TENM3: variants seen among roughly 807,000 people sequenced by gnomAD.
The protein encoded by TENM3 is teneurin-3.
In TENM3, 63 loss-of-function variants were observed where a neutral mutation model predicts 255.1. The ratio of observed to expected loss-of-function variants is 0.25; its 90% CI spans 0.20 to 0.30. TENM3 has a LOEUF of 0.30. Among genes scored for constraint, TENM3 ranks in the 10% least tolerant of loss-of-function variants. The pLI, the probability that TENM3 is intolerant of heterozygous loss-of-function variation, is 1.00. For missense variants in TENM3, 2,929 were observed against 3,461.1 expected (o/e 0.85, Z 3.86); for synonymous variants, 1,306 against 1,322.3 (o/e 0.99, Z 0.27).
the TENM3 span, among the ~76,000 whole-genome samples, chr4:181,945,537 ACTT>A: frequency 6.6e-6 from 1 of 151,866 alleles, no homozygotes; most frequent in Non-Finnish European, 1.5e-5. Context: ...CCTGCCCGAG[ACTT>A]CTTCTGTACA....
At chr4:182,163,947 A>G (rs576682350) in intron 1 of TENM3, among the ~76,000 whole-genome samples, 1 of 152,280 alleles carries the variant, frequency 6.6e-6, no homozygotes, top group African/African-American at 2.4e-5. Context: ...ATAGATTCCC[A>G]TGGCTTCAGT....
At chr4:181,525,396 CAAAAAAAAA>C in the TENM3 span, among the ~76,000 whole-genome samples, 1 of 97,316 alleles carries the variant, frequency 1.0e-5, no homozygotes. Flanking sequence ...GACCCTGTTT[CAAAAAAAAA>C]AAAAAAAAAA....
intron 3 of TENM3, among the ~76,000 whole-genome samples, chr4:182,502,585 A>G (rs1736423147): frequency 6.6e-6 from 1 of 151,898 alleles, no homozygotes; most frequent in African/African-American, 2.4e-5. Flanking sequence ...TTATTTTGAC[A>G]TGATGTTTTT....
chr4:182,679,679 A>C lies in TENM3; in HGVS notation c.1340A>C (p.Glu447Ala), dbSNP rs1755969787. The C allele has an allele frequency of 1.2e-6, 2 of 1,612,002 alleles. No individual in the cohort carries two copies. Among genetic ancestry groups the C allele is most frequent in the Non-Finnish European group, 8.5e-7 (1 of 1,179,494 alleles). The change falls in exon 8 of 28, where the codon GAG (glutamate) becomes GCG (alanine). Residue 447 changes from glutamate (E) to alanine (A), a missense_variant. Around this residue, in one of 6 missense-constraint regions of TENM3, gnomAD observed 1,608 missense variants for 1,884.4 expected, o/e 0.85. Coordinates refer to ENST00000511685, the MANE Select transcript of TENM3 (RefSeq NM_001080477.4). Reference protein sequence around the residue: ...PPSHTQYDFVELLDGSRLIAR... With the variant: ...PPSHTQYDFVALLDGSRLIAR... Reference sequence around the variant, plus strand: ...TCCTCCCCCCAGTATGACTTCGTGGAGCTCCTGGATGGCAGCAGGCTGATT... The same window carrying C: ...TCCTCCCCCCAGTATGACTTCGTGGCGCTCCTGGATGGCAGCAGGCTGATT...
chr4:182,138,415 AG>A, the TENM3 span, among the ~76,000 whole-genome samples: 39 of 152,190 alleles, frequency 2.6e-4, no homozygotes, highest in African/African-American at 8.4e-4. Flanking sequence ...GTTTCAAATA[AG>A]GCCCATATGG....
chr4:182,263,453 A>G (rs1042973256), intron 1 of TENM3, among the ~76,000 whole-genome samples: 8 of 152,144 alleles, frequency 5.3e-5, no homozygotes, highest in Middle Eastern at 3.2e-3. Flanking sequence ...CTCTCTATAA[A>G]GTCCGCCTCT....
chr4:181,614,034 T>A, the TENM3 span, among the ~76,000 whole-genome samples: 22 of 152,286 alleles, frequency 1.4e-4, no homozygotes, highest in East Asian at 3.1e-3. Context: ...TTTACCAAAA[T>A]ATGTTATTTC....
the TENM3 span, among the ~76,000 whole-genome samples, chr4:182,044,616 T>C: frequency 6.6e-6 from 1 of 152,256 alleles, no homozygotes; most frequent in African/African-American, 2.4e-5. Flanking sequence ...TAAAATGTTA[T>C]GTGGTCTGTT....
At chr4:182,687,481 G>GA (rs954403477) in intron 11 of TENM3, among the ~76,000 whole-genome samples, 11 of 149,354 alleles carry the variant, frequency 7.4e-5, no homozygotes, top group South Asian at 2.1e-4. Flanking sequence ...TCTAGGAATT[G>GA]AAAAACCTTG....
chr4:181,515,783 C>T, the TENM3 span, among the ~76,000 whole-genome samples: 2 of 152,096 alleles, frequency 1.3e-5, no homozygotes, highest in Non-Finnish European at 2.9e-5. Context: ...TTCTGAATCT[C>T]ATAAAGAAAG....
intron 7 of TENM3, among the ~76,000 whole-genome samples, chr4:182,678,579 T>C (rs989088348): frequency 6.6e-6 from 1 of 152,170 alleles, no homozygotes; most frequent in Admixed American, 6.5e-5. Context: ...AGCAAAGTGC[T>C]CTTGAGTTCA....
intron 1 of TENM3, among the ~76,000 whole-genome samples, chr4:182,294,246 G>A (rs1303905785): frequency 6.6e-6 from 1 of 152,178 alleles, no homozygotes; most frequent in East Asian, 1.9e-4. Flanking sequence ...GATTCGTGAG[G>A]TGGAGGTCTA....
chr4:182,088,117 C>T, the TENM3 span, among the ~76,000 whole-genome samples: 8 of 152,152 alleles, frequency 5.3e-5, no homozygotes, highest in Non-Finnish European at 1.0e-4. Context: ...TATACACACA[C>T]GTTTCTAAAA....
the TENM3 span, among the ~76,000 whole-genome samples, chr4:181,455,603 T>C: frequency 3.3e-5 from 5 of 152,058 alleles, no homozygotes; most frequent in Admixed American, 1.3e-4. Context: ...TTTAAAATTG[T>C]AATTAAATTA....
chr4:182,059,750 A>G, the TENM3 span, among the ~76,000 whole-genome samples: 3 of 132,652 alleles, frequency 2.3e-5, no homozygotes, highest in Non-Finnish European at 4.5e-5. Context: ...CTCTACAAAA[A>G]AAAAAAAAAA....
the TENM3 span, among the ~76,000 whole-genome samples, chr4:181,727,591 C>A: frequency 6.6e-6 from 1 of 152,102 alleles, no homozygotes; most frequent in African/African-American, 2.4e-5. Context: ...CATTTCTTTA[C>A]CCTTAGAGAA....
chr4:182,625,524 C>T (rs1458157903), intron 4 of TENM3, among the ~76,000 whole-genome samples: 1 of 152,162 alleles, frequency 6.6e-6, no homozygotes, highest in East Asian at 1.9e-4. Context: ...TTGTCTTCCA[C>T]GAAACCGGTC....
chr4:181,506,503 G>A, the TENM3 span, among the ~76,000 whole-genome samples: 5 of 152,082 alleles, frequency 3.3e-5, no homozygotes, highest in Non-Finnish European at 5.9e-5. Flanking sequence ...AATGCCTGAA[G>A]GAACAAGATA....
At chr4:182,558,272 C>A (rs1742778043) in intron 3 of TENM3, among the ~76,000 whole-genome samples, 1 of 152,172 alleles carries the variant, frequency 6.6e-6, no homozygotes, top group Non-Finnish European at 1.5e-5. Flanking sequence ...ACAGCATCTC[C>A]ATCAGGTTTT....
Sources: gnomAD v4.1 joint callset for allele counts (sites outside exome capture counted in the v4.1 genomes callset) on GRCh38, gnomAD v4.1.1 for gene constraint, gnomAD v4.1.1 regional missense constraint, MANE v1.5 for transcripts, NCBI Gene and HGNC (gene_info 2026-07-23, HGNC 2026-07-21) for gene names.